The following PTPRD variants were observed in gnomAD, a reference collection of about 807,000 sequenced individuals.
PTPRD encodes receptor-type tyrosine-protein phosphatase delta.
In PTPRD, 34 loss-of-function variants were observed where a neutral mutation model predicts 214.5. The observed-to-expected ratio is 0.16, with a 90% confidence interval of 0.12 to 0.21. The LOEUF (loss-of-function observed/expected upper bound fraction) is 0.21, where lower values mean the gene tolerates loss of function less well. Among genes scored for constraint, PTPRD ranks in the 10% least tolerant of loss-of-function variants. The pLI, the probability that PTPRD is intolerant of heterozygous loss-of-function variation, is 1.00. For missense variants in PTPRD, 2,545 were observed against 2,398.7 expected (o/e 1.06, Z -1.27); for synonymous variants, 1,128 against 845.7 (o/e 1.33, Z -5.79).
At chr9:10,205,163 A>G (rs2099463393) in intron 3 of PTPRD, among the ~76,000 whole-genome samples, 1 of 152,032 alleles carries the variant, frequency 6.6e-6, no homozygotes, top group Non-Finnish European at 1.5e-5. Flanking sequence ...TCAAGTTTAT[A>G]ATATGTTAGT....
intron 10 of PTPRD, among the ~76,000 whole-genome samples, chr9:9,019,500 T>G (rs573458340): frequency 1.3e-5 from 2 of 152,236 alleles, no homozygotes; most frequent in African/African-American, 4.8e-5. Flanking sequence ...AGGTCAGGAA[T>G]TCAACACCAG....
chr9:9,292,695 C>A (rs551838565), intron 9 of PTPRD, among the ~76,000 whole-genome samples: 2 of 151,478 alleles, frequency 1.3e-5, no homozygotes, highest in East Asian at 3.9e-4. Context: ...ATCCAAGATA[C>A]CACATTATAT....
intron 2 of PTPRD, among the ~76,000 whole-genome samples, chr9:10,349,930 G>A (rs943294578): frequency 1.1e-4 from 16 of 152,066 alleles, no homozygotes; most frequent in African/African-American, 3.6e-4. Context: ...CAAAGTGCTG[G>A]GATTACAGGC....
At chr9:8,967,511 TC>T (rs1250041395) in intron 11 of PTPRD, among the ~76,000 whole-genome samples, 1 of 152,046 alleles carries the variant, frequency 6.6e-6, no homozygotes, top group African/African-American at 2.4e-5. Flanking sequence ...AAAAACCATG[TC>T]CTTTGCAACA....
intron 9 of PTPRD, among the ~76,000 whole-genome samples, chr9:9,283,512 C>T (rs959485909): frequency 1.3e-5 from 2 of 151,114 alleles, no homozygotes; most frequent in African/African-American, 4.9e-5. Flanking sequence ...AGAAAGTATC[C>T]AACTGCTAGG....
Position 8,729,499 on chromosome 9 carries a change from C to T in PTPRD, c.64+4281G>A, listed in dbSNP as rs185885291. ...CACACGTGCTCAATAAAACTGTTTG[C>T]TAAATCTTGTTGAATAATGATATAA... On this transcript the variant is annotated intron_variant, in intron 12 of 45. Coordinates refer to ENST00000381196, the MANE Select transcript of PTPRD (RefSeq NM_002839.4). Among the ~76,000 whole-genome samples the T allele has an allele frequency of 1.9e-3, 294 of 152,146 alleles. 1 individual carries two copies. Among genetic ancestry groups the T allele is most frequent in the Middle Eastern group, 0.01 (3 of 294 alleles).
intron 3 of PTPRD, among the ~76,000 whole-genome samples, chr9:10,293,071 T>C (rs971243119): frequency 7.9e-5 from 12 of 152,090 alleles, no homozygotes; most frequent in African/African-American, 2.4e-4. Context: ...GGAAGTTTTA[T>C]TGATGTCACT....
At chr9:8,947,029 C>CTTTTTTTTTTTTTTTTTTTTT (rs71317390) in intron 11 of PTPRD, among the ~76,000 whole-genome samples, 1 of 121,006 alleles carries the variant, frequency 8.3e-6, no homozygotes, top group Non-Finnish European at 1.7e-5. Context: ...TTTTTCTTTT[C>CTTTTTTTTTTTTTTTTTTTTT]TTTTTTTTTT....
intron 11 of PTPRD, among the ~76,000 whole-genome samples, chr9:8,768,771 C>T (rs7873146): frequency 0.046 from 7,022 of 151,960 alleles, 407 homozygotes; most frequent in African/African-American, 0.13. Context: ...GAAAAATAAA[C>T]CAAATATGTA....
At chr9:10,200,857 G>T (rs1264702837) in intron 3 of PTPRD, among the ~76,000 whole-genome samples, 2 of 152,078 alleles carry the variant, frequency 1.3e-5, no homozygotes, top group African/African-American at 4.8e-5. Flanking sequence ...AAGGATGGTT[G>T]TAAAATACTA....
intron 11 of PTPRD, among the ~76,000 whole-genome samples, chr9:8,838,029 G>A (rs2097473987): frequency 6.6e-6 from 1 of 152,058 alleles, no homozygotes; most frequent in Non-Finnish European, 1.5e-5. Context: ...AGAGTCAACT[G>A]AAGTTCATGT....
intron 6 of PTPRD, among the ~76,000 whole-genome samples, chr9:9,747,667 C>A (rs548155703): frequency 4.6e-5 from 7 of 152,060 alleles, no homozygotes; most frequent in African/African-American, 1.4e-4. Flanking sequence ...CTGCCTCAGC[C>A]TCCTGAGTAG....
intron 11 of PTPRD, among the ~76,000 whole-genome samples, chr9:8,736,878 T>A (rs6477329): frequency 0.69 from 104,449 of 151,954 alleles, 36,233 homozygotes; most frequent in African/African-American, 0.78. Context: ...AAAAGTTCAT[T>A]GGAAAAGTGC....
chr9:8,534,945 C>T (rs1671060581), intron 14 of PTPRD, among the ~76,000 whole-genome samples: 1 of 151,912 alleles, frequency 6.6e-6, no homozygotes, highest in South Asian at 2.1e-4. Context: ...TGGCATCATT[C>T]ATTCTACAAA....
chr9:9,803,220 C>G (rs755672027), intron 5 of PTPRD, among the ~76,000 whole-genome samples: 1 of 150,450 alleles, frequency 6.6e-6, no homozygotes, highest in Admixed American at 6.7e-5. Flanking sequence ...ATGTTACTTT[C>G]ACCTTCACTG....
At chr9:8,558,245 C>T (rs1485872416) in intron 14 of PTPRD, among the ~76,000 whole-genome samples, 4 of 152,184 alleles carry the variant, frequency 2.6e-5, no homozygotes. Context: ...ACGGAGACAA[C>T]TAAAGATGTT....
intron 2 of PTPRD, among the ~76,000 whole-genome samples, chr9:10,393,851 C>G (rs1044041427): frequency 6.7e-5 from 10 of 148,420 alleles, no homozygotes; most frequent in Non-Finnish European, 1.2e-4. Context: ...TGCCACCTAA[C>G]CATAGAATCA....
intron 7 of PTPRD, among the ~76,000 whole-genome samples, chr9:9,619,236 G>A (rs1046428112): frequency 6.6e-6 from 1 of 151,912 alleles, no homozygotes; most frequent in Non-Finnish European, 1.5e-5. Context: ...TTTTATGGTT[G>A]TTTAAGATTA....
intron 6 of PTPRD, among the ~76,000 whole-genome samples, chr9:9,757,457 T>C (rs2098598217): frequency 6.6e-6 from 1 of 152,206 alleles, no homozygotes; most frequent in African/African-American, 2.4e-5. Flanking sequence ...ATGTTTAATG[T>C]AAATTTTCAG....
Sources: gnomAD v4.1 joint callset for allele counts (sites outside exome capture counted in the v4.1 genomes callset) on GRCh38, gnomAD v4.1.1 for gene constraint, MANE v1.5 for transcripts, NCBI Gene and HGNC (gene_info 2026-07-23, HGNC 2026-07-21) for gene names.